Variants in SOX5 observed in about 807,000 individuals in gnomAD.
SOX5 encodes the protein transcription factor SOX-5.
Under a neutral mutation model 92.0 loss-of-function variants are expected in SOX5, and 9 were observed. That is an observed-to-expected ratio of 0.10 (90% CI 0.06 to 0.17). The LOEUF is 0.17. SOX5 is among the 10% of genes least tolerant of loss of function. The pLI is 1.00. For synonymous variants in SOX5, 344 were observed against 336.3 expected (o/e 1.02, Z -0.25); for missense variants, 642 against 944.5 (o/e 0.68, Z 4.20).
chr12:24,144,658 T>A (rs539822396), intron 4 of SOX5, among the ~76,000 whole-genome samples: 2 of 151,894 alleles, frequency 1.3e-5, no homozygotes, highest in South Asian at 4.2e-4. Flanking sequence ...ACCCCATCTT[T>A]ATGAAAAATG....
chr12:23,816,579 TAGTAAGGA>T (rs1485323597), intron 3 of SOX5, among the ~76,000 whole-genome samples: 1 of 151,968 alleles, frequency 6.6e-6, no homozygotes, highest in African/African-American at 2.4e-5. Context: ...CTGAACTAAA[TAGTAAGGA>T]TGAATGGCCA....
At position 24,269,688 on chromosome 12, in the gene SOX5, C is replaced by CTTT. The variant is rs58098308; in HGVS notation, c.-77+7525_-77+7527dup. On this transcript the variant is annotated intron_variant, in intron 3 of 4. Transcript: ENST00000446891. ...TTTATCACATTTCTTTATTTTTATT[C>CTTT]TTTTTTTTTTTTTTTTTTTGAGACA... Among the ~76,000 whole-genome samples, 51 of 116,716 alleles carry CTTT rather than the reference C, an allele frequency of 4.4e-4. No homozygotes were observed. The East Asian group carries it at 5.3e-3, about 12-fold the overall frequency. 76.6% of individuals were successfully genotyped at this position (116,716 alleles called of 152,430 possible).
chr12:23,896,027 G>A lies in SOX5; in HGVS notation c.39-3C>T. The A allele has an allele frequency of 6.3e-7, 1 of 1,596,154 alleles. No individual in the cohort carries two copies. Among genetic ancestry groups the A allele is most frequent in the South Asian group, 1.1e-5 (1 of 90,702 alleles). ...AGGCTGGTCGCTTGGAAGACATCCT[G>A]GAAGGAACAAAAGAGGAGAAAATAA... is the stretch of plus-strand genomic sequence containing the variant. On this transcript the variant is annotated splice_region_variant and splice_polypyrimidine_tract_variant and intron_variant, in intron 1 of 14. Coordinates refer to ENST00000451604, the MANE Select transcript of SOX5 (RefSeq NM_006940.6).
At chr12:24,135,642 C>G (rs1950044556) in intron 4 of SOX5, among the ~76,000 whole-genome samples, 1 of 152,124 alleles carries the variant, frequency 6.6e-6, no homozygotes, top group South Asian at 2.1e-4. Context: ...ATAATTACAA[C>G]AGGACAGATG....
At chr12:23,768,793 T>C (rs1238392162) in intron 3 of SOX5, among the ~76,000 whole-genome samples, 1 of 152,142 alleles carries the variant, frequency 6.6e-6, no homozygotes, top group African/African-American at 2.4e-5. Flanking sequence ...AATTGATCTT[T>C]ATTGCTTGAC....
intron 6 of SOX5, among the ~76,000 whole-genome samples, chr12:23,712,185 C>T (rs766720162): frequency 2.0e-5 from 3 of 152,174 alleles, no homozygotes; most frequent in Admixed American, 6.5e-5. Flanking sequence ...CGATCATGAT[C>T]ACTTGTTTAA....
At chr12:24,535,157 G>A (rs933833276) in intron 1 of SOX5, among the ~76,000 whole-genome samples, 2 of 152,140 alleles carry the variant, frequency 1.3e-5, no homozygotes, top group Non-Finnish European at 2.9e-5. Context: ...CCATATTTGG[G>A]CTAAAATCGG....
intron 4 of SOX5, among the ~76,000 whole-genome samples, chr12:24,137,925 T>C (rs1950250813): frequency 6.6e-6 from 1 of 152,250 alleles, no homozygotes; most frequent in Admixed American, 6.5e-5. Context: ...ATATGCTATA[T>C]CTTTTGAACT....
chr12:23,980,648 A>G (rs1949486600), intron 4 of SOX5, among the ~76,000 whole-genome samples: 1 of 152,148 alleles, frequency 6.6e-6, no homozygotes, highest in Admixed American at 6.5e-5. Flanking sequence ...GGCATTTCAG[A>G]CAGAAAGAGA....
intron 3 of SOX5, among the ~76,000 whole-genome samples, chr12:24,221,828 T>C (rs1027642916): frequency 2.0e-5 from 3 of 152,140 alleles, no homozygotes; most frequent in Non-Finnish European, 4.4e-5. Flanking sequence ...AGAAGATATA[T>C]GAGTAAGGAG....
At chr12:24,043,246 C>G (rs543223078) in intron 4 of SOX5, among the ~76,000 whole-genome samples, 1 of 152,120 alleles carries the variant, frequency 6.6e-6, no homozygotes, top group Non-Finnish European at 1.5e-5. Context: ...GAAGACAAAG[C>G]AGAGAGGTAA....
chr12:24,238,444 C>A (rs947214740), intron 3 of SOX5, among the ~76,000 whole-genome samples: 1 of 152,186 alleles, frequency 6.6e-6, no homozygotes, highest in Non-Finnish European at 1.5e-5. Flanking sequence ...CTCAACCCCC[C>A]AGGCTCAGGT....
chr12:23,891,220 C>T (rs922157212), intron 2 of SOX5, among the ~76,000 whole-genome samples: 23 of 152,134 alleles, frequency 1.5e-4, no homozygotes, highest in Non-Finnish European at 2.6e-4. Context: ...GTTTGTAAGT[C>T]GCTCTTAGGC....
At chr12:24,334,047 A>G (rs1454197691) in intron 2 of SOX5, among the ~76,000 whole-genome samples, 1 of 151,774 alleles carries the variant, frequency 6.6e-6, no homozygotes, top group Non-Finnish European at 1.5e-5. Flanking sequence ...TATTTAATGA[A>G]TGAATTGGGG....
At chr12:23,992,391 TTCAAAG>T (rs1174507066) in intron 4 of SOX5, among the ~76,000 whole-genome samples, 1 of 152,148 alleles carries the variant, frequency 6.6e-6, no homozygotes, top group East Asian at 1.9e-4. Context: ...CTTATATTAT[TTCAAAG>T]TCAAATTATG....
At chr12:24,366,782 T>G (rs1396770020) in intron 2 of SOX5, among the ~76,000 whole-genome samples, 2 of 152,118 alleles carry the variant, frequency 1.3e-5, no homozygotes, top group African/African-American at 4.8e-5. Context: ...TCTTATTACA[T>G]ATTATCAAAA....
intron 7 of SOX5, among the ~76,000 whole-genome samples, chr12:23,656,765 TTTATATAA>T (rs1184010332): frequency 6.6e-6 from 1 of 151,794 alleles, no homozygotes; most frequent in Non-Finnish European, 1.5e-5. Context: ...TCTAAATATT[TTTATATAA>T]ATATATATAA....
At chr12:23,954,290 T>G (rs1383317555), upstream of SOX5, among the ~76,000 whole-genome samples, 1 of 151,994 alleles carries the variant, frequency 6.6e-6, no homozygotes. Flanking sequence ...ATAAAACTCT[T>G]AATATTATAA....
intron 4 of SOX5, among the ~76,000 whole-genome samples, chr12:24,054,396 CATAG>C (rs1471793061): frequency 6.6e-6 from 1 of 152,118 alleles, no homozygotes; most frequent in Non-Finnish European, 1.5e-5. Flanking sequence ...ATAATCTTAC[CATAG>C]ATAGAGTCTC....
Sources: allele counts gnomAD v4.1 joint callset (sites outside exome capture counted in the v4.1 genomes callset), GRCh38; gene constraint gnomAD v4.1.1; transcripts MANE v1.5; gene names NCBI Gene and HGNC (gene_info 2026-07-23, HGNC 2026-07-21).